The following TLN1 variants were observed in gnomAD, a reference collection of about 807,000 sequenced individuals.
The protein encoded by TLN1 is talin 1.
Under a neutral mutation model 292.3 loss-of-function variants are expected in TLN1, and 56 were observed. The observed-to-expected ratio is 0.19, with a 90% CI of 0.15 to 0.24. The LOEUF (loss-of-function observed/expected upper bound fraction) is 0.24. Among genes scored for constraint, TLN1 ranks in the 10% least tolerant of loss-of-function variants. The pLI is 1.00. For missense variants in TLN1, 2,433 were observed against 3,248.2 expected (o/e 0.75, Z 6.10); for synonymous variants, 1,119 against 1,253.7 (o/e 0.89, Z 2.27).
intron 34 of TLN1, 188 bp from the exon 35 acceptor site, chr9:35,708,080 G>T: frequency 2.7e-6 from 2 of 741,644 alleles, no homozygotes; most frequent in South Asian, 2.0e-5. Flanking sequence ...CATGGGAGAG[G>T]AAAGACATAC....
chr9:35,703,330 T>TG (rs1181273768), intron 48 of TLN1, among the ~76,000 whole-genome samples: 1 of 151,900 alleles, frequency 6.6e-6, no homozygotes, highest in African/African-American at 2.4e-5. Context: ...AGATGCCATG[T>TG]GAAATGGAAA....
chr9:35,730,442 G>T (rs991466738), intron 1 of TLN1, among the ~76,000 whole-genome samples: 2 of 151,918 alleles, frequency 1.3e-5, no homozygotes, highest in African/African-American at 2.4e-5. Flanking sequence ...GGGGGAAGGG[G>T]ATCTACAAAT....
rs2131883847 is a variant in TLN1, at chr9:35,703,896, ACCACC to A, written c.6232-1_6235del. The A allele has an allele frequency of 6.2e-7, 1 of 1,614,130 alleles. No individual in the cohort carries two copies. The highest frequency in any genetic ancestry group is 8.5e-7 in the Non-Finnish European group (1 of 1,180,030). ...TACATCTTTCACTGCGTTGATTAGT[ACCACC>A]TGTGTGGGAAAGCGTTGGCTCTGGT... On this transcript the variant is annotated splice_acceptor_variant and coding_sequence_variant, in exon 47 of 57. Coordinates refer to ENST00000314888, the MANE Select transcript of TLN1 (RefSeq NM_006289.4). LOFTEE classifies it high-confidence loss of function.
Position 35,697,878 on chromosome 9 carries a change from T to C in TLN1, c.7539A>G (p.Arg2513=). 1 of 1,614,190 alleles carries C rather than the reference T, an allele frequency of 6.2e-7. No individual in the cohort carries two copies. The highest frequency in any genetic ancestry group is 8.5e-7 in the Non-Finnish European group (1 of 1,180,034). ...GTTTCTTCCGCGCCTCTTCCAGCTC[T>C]CGTTCCTTCCGAAGCATTTCTTCCT... ...AAQEEMLRKE[R]ELEEARKKLA... is the part of the protein sequence containing the mutation. The change falls in exon 57 of 57, where the codon CGA becomes CGG. Residue 2513 remains arginine (R), a synonymous_variant. Transcript: ENST00000314888.
At position 35,713,054 on chromosome 9, in the gene TLN1, G is replaced by A. The variant is rs1284391950; in HGVS notation, c.3353-11C>T. The A allele has an allele frequency of 6.3e-7, 1 of 1,591,668 alleles. No individual in the cohort carries two copies. The highest frequency in any genetic ancestry group is 8.6e-7 in the Non-Finnish European group (1 of 1,165,130). On this transcript the variant is annotated splice_polypyrimidine_tract_variant and intron_variant, in intron 26 of 56. Coordinates refer to ENST00000314888, the MANE Select transcript of TLN1 (RefSeq NM_006289.4). ...CCCGAGCTGCAATACCTTGGGAGAT[G>A]AGGAGAAAGAGGGAAGGGAAGGTGC...
chr9:35,711,639 T>C lies in TLN1; in HGVS notation c.3835A>G (p.Ser1279Gly), dbSNP rs1322892463. The change falls in exon 29 of 57, where the codon AGC (serine) becomes GGC (glycine). Residue 1279 changes from serine to glycine, a missense_variant. This residue lies in a region of TLN1 where 1,384 missense variants were observed against 1,699.6 expected (regional missense o/e 0.81). Coordinates refer to ENST00000314888, the MANE Select transcript of TLN1 (RefSeq NM_006289.4). ...TCCACACCAGCTTCCAGGAAGGTGC[T>C]GAAGTCCTGTCCAAATCGGCCTGAG... The part of the protein sequence containing the change: ...RASGRFGQDF[S>G]TFLEAGVEMA... 6.2e-7 allele frequency: 1 copy of C among 1,614,098 alleles called. No individual in the cohort carries two copies. Among genetic ancestry groups the C allele is most frequent in the Admixed American group, 1.7e-5 (1 of 60,028 alleles).
In TLN1 at chr9:35,704,672, C is replaced by T; in HGVS notation, c.5877G>A (p.Glu1959=). 1 of 1,614,010 alleles carries T rather than the reference C, an allele frequency of 6.2e-7. No homozygotes were observed. The highest frequency in any genetic ancestry group is 8.5e-7 in the Non-Finnish European group (1 of 1,180,016). The change falls in exon 44 of 57, where the codon GAG becomes GAA. Residue 1959 remains glutamate, a synonymous_variant. Transcript: ENST00000314888. The surrounding 1 kb of genome is among the most constrained non-coding windows in gnomAD (Gnocchi z 6.9). ...CTGCAGGGATGAGCACCGTCACCTT[C>T]TCAGAGACTCTCCGGGCACACTCTA... ...ELIECARRVS[E]KVSHVLAALQ...
chr9:35,731,679 C>T (rs577391504), intron 1 of TLN1, among the ~76,000 whole-genome samples: 1 of 152,254 alleles, frequency 6.6e-6, no homozygotes, highest in South Asian at 2.1e-4. Flanking sequence ...GGACCTGACT[C>T]ACACTAACTC....
rs904123219 is a variant in TLN1, at chr9:35,717,925, G to A, written c.1996-139C>T. ...CGCAGAAGCAACCAGAACCTACCCCGAGCTACTGCCCTGAGCACCCAGCAG... is the reference window on the plus strand; with the variant it reads ...CGCAGAAGCAACCAGAACCTACCCCAAGCTACTGCCCTGAGCACCCAGCAG... On this transcript the variant is annotated intron_variant, in intron 17 of 56. Transcript: ENST00000314888. This position sits in a 1 kb window ranked among gnomAD's most constrained non-coding sequence, Gnocchi z 4.7. 11 of 1,004,178 alleles carry A rather than the reference G, an allele frequency of 1.1e-5. No individual in the cohort carries two copies. The highest frequency in any genetic ancestry group is 5.3e-5 in the East Asian group (2 of 37,820). The allele number at this position is 1,004,178 out of a possible 1,614,324, so 62.2% of individuals were successfully genotyped here.
At chr9:35,711,895 G>T in intron 28 of TLN1, 103 bp from the exon 29 acceptor site, 2 of 1,594,168 alleles carry the variant, frequency 1.3e-6, no homozygotes, top group South Asian at 1.1e-5. Context: ...TGGGAGTAAT[G>T]AAAGGGGACA....
chr9:35,714,457 G>A lies in TLN1; in HGVS notation c.2986-84C>T. ...AGGACTGATGATGGTCAGGATGTAG[G>A]GAACACTGGGGCTTGGTATTGGGAA... is the stretch of plus-strand genomic sequence containing the variant. On this transcript the variant is annotated intron_variant, in intron 23 of 56. Coordinates refer to ENST00000314888, the MANE Select transcript of TLN1 (RefSeq NM_006289.4). The surrounding 1 kb of genome is among the most constrained non-coding windows in gnomAD (Gnocchi z 4.6). 6.3e-7 allele frequency: 1 copy of A among 1,575,026 alleles called. No homozygotes were observed.
chr9:35,708,480 G>A lies in TLN1; in HGVS notation c.4331C>T (p.Ala1444Val). The change falls in exon 34 of 57, where the codon GCA (alanine) becomes GTA (valine). Residue 1444 changes from alanine (A) to valine (V), a missense_variant. This residue lies in a region of TLN1 where 1,384 missense variants were observed against 1,699.6 expected (regional missense o/e 0.81). Coordinates refer to ENST00000314888, the MANE Select transcript of TLN1 (RefSeq NM_006289.4). ...GGGGTCAGAGACACCAACCAGATATGCAGCCTGGGAAGAGAAAAGGGGGTG... is the reference window on the plus strand; with the variant it reads ...GGGGTCAGAGACACCAACCAGATATACAGCCTGGGAAGAGAAAAGGGGGTG... Reference protein sequence around the residue: ...CGFTEAAAQAAYLVGVSDPNS... With the variant: ...CGFTEAAAQAVYLVGVSDPNS... 4 of 1,576,468 alleles carry A rather than the reference G, an allele frequency of 2.5e-6. No homozygotes were observed. The highest frequency in any genetic ancestry group is 1.8e-5 in the Admixed American group (1 of 55,822).
At chr9:35,713,916 A>C (rs1357104019) in intron 25 of TLN1, 37 bp downstream of exon 25, 2 of 1,612,812 alleles carry the variant, frequency 1.2e-6, no homozygotes, top group South Asian at 1.1e-5. Flanking sequence ...GGAAGACTTT[A>C]GGATTTGAGT....
rs772134028 is a variant in TLN1 at position 35,704,420 on chromosome 9, C to A, written c.5959G>T (p.Gly1987Cys). ...ACITAASAVS[G>C]IIADLDTTIM... ...GTGGTGTCGAGGTCAGCAATGATACCAGACACAGCGCTGGCTGCTGTGATG... is the reference window on the plus strand; with the variant it reads ...GTGGTGTCGAGGTCAGCAATGATACAAGACACAGCGCTGGCTGCTGTGATG... The change falls in exon 45 of 57, where the codon GGT becomes TGT. Residue 1987 changes from glycine (G) to cysteine (C), a missense_variant. Around this residue, in one of 7 missense-constraint regions of TLN1, gnomAD observed 1,384 missense variants for 1,699.6 expected, o/e 0.81. Transcript: ENST00000314888. The surrounding 1 kb of genome is among the most constrained non-coding windows in gnomAD (Gnocchi z 6.9). The A allele has an allele frequency of 1.3e-5, 21 of 1,614,112 alleles. No homozygotes were observed. The highest frequency in any genetic ancestry group is 8.3e-5 in the Admixed American group (5 of 60,002).
chr9:35,698,586 TGA>T lies in TLN1; in HGVS notation c.7188+29_7188+30del. 6.2e-7 allele frequency: 1 copy of T among 1,614,052 alleles called. No individual in the cohort carries two copies. The highest frequency in any genetic ancestry group is 1.1e-5 in the South Asian group (1 of 91,074). On this transcript the variant is annotated intron_variant, in intron 54 of 56. Coordinates refer to ENST00000314888, the MANE Select transcript of TLN1 (RefSeq NM_006289.4). The surrounding 1 kb of genome is among the most constrained non-coding windows in gnomAD (Gnocchi z 5.3). ...TCCAGCCTTCTCAAGTCTCTCAAAC[TGA>T]GAGAGACCTAGTGGTATTGCACACT... is the stretch of plus-strand genomic sequence containing the variant.
chr9:35,713,131 C>T (rs1054580700), intron 26 of TLN1, 65 bp downstream of exon 26: 7 of 1,571,990 alleles, frequency 4.5e-6, no homozygotes, highest in Admixed American at 3.4e-5. Flanking sequence ...TCCCATCCCT[C>T]ATCCAGCTCC....
chr9:35,731,065 A>T (rs1417847878), intron 1 of TLN1, among the ~76,000 whole-genome samples: 1 of 152,172 alleles, frequency 6.6e-6, no homozygotes, highest in Non-Finnish European at 1.5e-5. Context: ...TGGAATAAAG[A>T]AGCTGGAATC....
intron 8 of TLN1, 120 bp from the exon 9 acceptor site, chr9:35,722,343 A>C: frequency 1.2e-6 from 1 of 847,452 alleles, no homozygotes; most frequent in Non-Finnish European, 2.0e-6. Flanking sequence ...TGAGGAGTAC[A>C]AGATATGAGA....
At chr9:35,713,331 A>G (rs1462403779) in intron 25 of TLN1, 33 bp from the exon 26 acceptor site, 1 of 1,545,900 alleles carries the variant, frequency 6.5e-7, no homozygotes, top group Non-Finnish European at 8.8e-7. Context: ...TGGGCTTGAG[A>G]AAGGAGAAGG....
Sources: allele counts gnomAD v4.1 joint callset (sites outside exome capture counted in the v4.1 genomes callset), GRCh38; gene constraint gnomAD v4.1.1; regional missense constraint gnomAD v4.1.1; non-coding constraint Gnocchi (gnomAD v3.1); transcripts MANE v1.5; gene names NCBI Gene and HGNC (gene_info 2026-07-23, HGNC 2026-07-21).